The following IMPDH1 variants were observed in gnomAD, a reference collection of about 807,000 sequenced individuals.
IMPDH1 encodes the protein inosine-5'-monophosphate dehydrogenase 1.
IMPDH1 carries 41 observed loss-of-function variants against 73.5 expected under a neutral mutation model. That is an observed-to-expected ratio of 0.56 (90% CI 0.43 to 0.72). IMPDH1 has a LOEUF of 0.72. Among genes scored for constraint, IMPDH1 ranks in the 30% least tolerant of loss-of-function variants. The probability of loss-of-function intolerance (pLI) is 0.00; values close to 1 mark genes in which losing one functional copy is unlikely to be tolerated. For synonymous variants in IMPDH1, 318 were observed against 334.3 expected (o/e 0.95, Z 0.53); for missense variants, 645 against 824.8 (o/e 0.78, Z 2.67).
At position 128,395,161 on chromosome 7, in the gene IMPDH1, C is replaced by T. The variant is rs1797825967; in HGVS notation, c.1375G>A (p.Val459Ile). The T allele has an allele frequency of 3.7e-6, 6 of 1,614,064 alleles. No homozygotes were observed. Among genetic ancestry groups the T allele is most frequent in the Non-Finnish European group, 5.1e-6 (6 of 1,180,050 alleles). Reference protein sequence around the residue: ...DGGIQTVGHVVKALALGASTV... With the variant: ...DGGIQTVGHVIKALALGASTV... ...GAGGCTCCAAGGGCCAGGGCCTTGA[C>T]CACGTGTCCCACGGTCTGGATGCCG... is the stretch of plus-strand genomic sequence containing the variant. Residue 459 changes from valine to isoleucine, a missense_variant, in exon 13 of 17, where the codon GTC (valine) becomes ATC (isoleucine). By Grantham distance (29) the Val-to-Ile change is conservative (BLOSUM62 3). Transcript: ENST00000338791.
intron 3 of IMPDH1, 192 bp from the exon 4 acceptor site, chr7:128,406,057 C>T (rs900078620): frequency 5.4e-6 from 1 of 184,096 alleles, no homozygotes; most frequent in Non-Finnish European, 1.0e-5. Context: ...TCCCGCCCCT[C>T]CCGCCCTTCT....
chr7:128,402,550 C>T (rs985296052), intron 5 of IMPDH1, among the ~76,000 whole-genome samples: 8 of 152,220 alleles, frequency 5.3e-5, no homozygotes, highest in African/African-American at 1.2e-4. Context: ...CAGAATCATT[C>T]GAATTTCCCC....
rs747402224 is a variant in IMPDH1 at position 128,395,307 on chromosome 7, G to A, written c.1262-33C>T. On this transcript the variant is annotated intron_variant, in intron 12 of 16. Coordinates refer to ENST00000338791, the MANE Select transcript of IMPDH1 (RefSeq NM_000883.4). ...AGGGTGGGGTGCACAAGGCAGAGAA[G>A]AGTCAACAGCAACTCCGGGGCCTGG... 6 of 1,611,414 alleles carry A rather than the reference G, an allele frequency of 3.7e-6. No homozygotes were observed. In the South Asian group the frequency reaches 6.6e-5, roughly 18 times the overall value.
At position 128,405,880 on chromosome 7, in the gene IMPDH1, C is replaced by G. The variant is rs1422923097; in HGVS notation, c.255-15G>C. The stretch of plus-strand genomic sequence containing the variant: ...AGTCCGCCATGCTGCCGCGAGACCC[C>G]GCGACCCGACATAAACACCCGCGCG... On this transcript the variant is annotated splice_polypyrimidine_tract_variant and intron_variant, in intron 3 of 16. Coordinates refer to ENST00000338791, the MANE Select transcript of IMPDH1 (RefSeq NM_000883.4). 1.3e-6 allele frequency: 2 copies of G among 1,516,156 alleles called. No individual in the cohort carries two copies. Among genetic ancestry groups the G allele is most frequent in the South Asian group, 2.5e-5 (2 of 81,504 alleles). 93.9% of individuals were successfully genotyped at this position (1,516,156 alleles called of 1,614,324 possible).
chr7:128,405,585 C>A (rs1424698330), intron 4 of IMPDH1, among the ~76,000 whole-genome samples, 182 bp downstream of exon 4: 1 of 152,148 alleles, frequency 6.6e-6, no homozygotes, highest in East Asian at 1.9e-4. Flanking sequence ...GCCGCGGTGT[C>A]GCCGTGCCAC....
intron 7 of IMPDH1, 60 bp from the exon 8 acceptor site, chr7:128,400,599 G>T: frequency 6.7e-7 from 1 of 1,497,376 alleles, no homozygotes; most frequent in Non-Finnish European, 9.2e-7. Context: ...TGTCCAGGCT[G>T]GCCACAGGGA....
intron 5 of IMPDH1, 148 bp downstream of exon 5, chr7:128,403,558 C>CAAA (rs879132945): frequency 4.4e-4 from 207 of 470,550 alleles, no homozygotes; most frequent in Non-Finnish European, 5.1e-4. Flanking sequence ...ACTCTGTCTC[C>CAAA]AAAAAAAAAA....
At position 128,400,488 on chromosome 7, in the gene IMPDH1, T is replaced by C. The variant is rs745347381; in HGVS notation, c.631A>G (p.Thr211Ala). Residue 211 changes from threonine (T) to alanine (A), a missense_variant, in exon 8 of 17, where the codon ACT becomes GCT. Physicochemically the swap from Thr to Ala is moderately conservative, Grantham distance 58. Coordinates refer to ENST00000338791, the MANE Select transcript of IMPDH1 (RefSeq NM_000883.4). Reference protein sequence around the residue: ...TDPVVLSPSHTVGDVLEAKMR... With the variant: ...TDPVVLSPSHAVGDVLEAKMR... ...TTGGCCTCCAGCACATCGCCCACAG[T>C]GTGCGAGGGGCTCAGCACCACAGGG... The C allele has an allele frequency of 4.3e-6, 7 of 1,612,684 alleles. No individual in the cohort carries two copies. The highest frequency in any genetic ancestry group is 1.7e-5 in the Admixed American group (1 of 59,996).
At position 128,398,445 on chromosome 7, in the gene IMPDH1, A is replaced by C; in HGVS notation, c.1043T>G (p.Leu348Arg). Residue 348 changes from leucine (L) to arginine (R), a missense_variant, in exon 10 of 17, where the codon CTC (leucine) becomes CGC (arginine). Physicochemically the swap from Leu to Arg is moderately radical, Grantham distance 102 (BLOSUM62 -2). Coordinates refer to ENST00000338791, the MANE Select transcript of IMPDH1 (RefSeq NM_000883.4). This position sits in a 1 kb window ranked among gnomAD's most constrained non-coding sequence, Gnocchi z 4.3. ...REDDKYRLDL[L>R]TQAGVDVIVL... Reference sequence around the variant, plus strand: ...TATGACGTCGACGCCCGCCTGGGTGAGCAGGTCCAGACGGTATTTGTCATC... The same window carrying C: ...TATGACGTCGACGCCCGCCTGGGTGCGCAGGTCCAGACGGTATTTGTCATC... The C allele has an allele frequency of 6.2e-7, 1 of 1,613,446 alleles. No individual in the cohort carries two copies. Among genetic ancestry groups the C allele is most frequent in the South Asian group, 1.1e-5 (1 of 91,060 alleles).
At position 128,395,129 on chromosome 7, in the gene IMPDH1, A is replaced by G; in HGVS notation, c.1405+2T>C. On this transcript the variant is annotated splice_donor_variant, in intron 13 of 16. Coordinates refer to ENST00000338791, the MANE Select transcript of IMPDH1 (RefSeq NM_000883.4). LOFTEE classifies it high-confidence loss of function. ...CCAATCCCCAGCACATTCTCCCCTC[A>G]CCTGTGGAGGCTCCAAGGGCCAGGG... The G allele has an allele frequency of 6.2e-7, 1 of 1,613,548 alleles. No homozygotes were observed.
chr7:128,395,776 C>T lies in IMPDH1; in HGVS notation c.1262-502G>A, dbSNP rs566693100. On this transcript the variant is annotated intron_variant, in intron 12 of 16. Coordinates refer to ENST00000338791, the MANE Select transcript of IMPDH1 (RefSeq NM_000883.4). Reference sequence around the variant, plus strand: ...GCTGGATAAACCAGAGATGGCGCCTCTCATTTGTTTTGTCCCTACTCTACC... The same window carrying T: ...GCTGGATAAACCAGAGATGGCGCCTTTCATTTGTTTTGTCCCTACTCTACC... Among the ~76,000 whole-genome samples, 108 of 152,374 alleles carry T rather than the reference C, an allele frequency of 7.1e-4. 3 individuals are homozygous for T. In the South Asian group the frequency reaches 0.01, roughly 14 times the overall value.
At chr7:128,403,076 G>A (rs1250772399) in intron 5 of IMPDH1, among the ~76,000 whole-genome samples, 3 of 151,954 alleles carry the variant, frequency 2.0e-5, no homozygotes, top group South Asian at 2.1e-4. Flanking sequence ...CAAGCCCACC[G>A]TTCCCACTCC....
At chr7:128,405,601 T>C (rs1237702042) in intron 4 of IMPDH1, among the ~76,000 whole-genome samples, 166 bp downstream of exon 4, 1 of 152,022 alleles carries the variant, frequency 6.6e-6, no homozygotes, top group Non-Finnish European at 1.5e-5. Flanking sequence ...GCCACGTCCG[T>C]CTGCTCCGGC....
In IMPDH1 at chr7:128,394,811, C is replaced by A; in HGVS notation, c.1550+78G>T. 1.3e-6 allele frequency: 2 copies of A among 1,564,116 alleles called. No homozygotes were observed. Among genetic ancestry groups the A allele is most frequent in the South Asian group, 1.1e-5 (1 of 90,044 alleles). Reference sequence around the variant, plus strand: ...CCACCATATGGGGACTGGCTGCCATCTGGGGAAGTCGGTGGCATGAGCGGG... The same window carrying A: ...CCACCATATGGGGACTGGCTGCCATATGGGGAAGTCGGTGGCATGAGCGGG... On this transcript the variant is annotated intron_variant, in intron 14 of 16. Transcript: ENST00000338791. The surrounding 1 kb of genome is among the most constrained non-coding windows in gnomAD (Gnocchi z 5.5).
At position 128,409,308 on chromosome 7, in the gene IMPDH1, C is replaced by T. The variant is rs1016744642; in HGVS notation, c.235G>A (p.Asp79Asn). ...VLLAGVGVQMDRLRRASMADY... is the reference protein window; with the variant it reads ...VLLAGVGVQMNRLRRASMADY... ...CCTCACCTAGCCCTGCGAAGGCGAT[C>T]CATCTGGACACCAACACCTGCCAGT... is the stretch of plus-strand genomic sequence containing the variant. The change falls in exon 3 of 17, where the codon GAT becomes AAT. Residue 79 changes from aspartate to asparagine, a missense_variant. By Grantham distance (23) the Asp-to-Asn change is conservative. This residue lies in a region of IMPDH1 where 186 missense variants were observed against 186.6 expected (regional missense o/e 1.00). Coordinates refer to ENST00000338791, the MANE Select transcript of IMPDH1 (RefSeq NM_000883.4). The T allele has an allele frequency of 1.8e-5, 29 of 1,614,006 alleles. No individual in the cohort carries two copies. Among genetic ancestry groups the T allele is most frequent in the Non-Finnish European group, 2.4e-5 (28 of 1,180,000 alleles).
chr7:128,401,620 C>T (rs1051700429), intron 5 of IMPDH1, among the ~76,000 whole-genome samples: 1 of 152,138 alleles, frequency 6.6e-6, no homozygotes, highest in Non-Finnish European at 1.5e-5. Context: ...AGATTTGATT[C>T]GGAGAGAAGC....
chr7:128,409,057 A>T (rs909687850), intron 3 of IMPDH1, among the ~76,000 whole-genome samples: 4 of 152,212 alleles, frequency 2.6e-5, no homozygotes, highest in African/African-American at 9.7e-5. Context: ...TCTGGACCGG[A>T]AGGACAGTGG....
Position 128,394,969 on chromosome 7 carries a change from C to T in IMPDH1, c.1470G>A (p.Gly490=), listed in dbSNP as rs747184978. Residue 490 remains glycine, a synonymous_variant, in exon 14 of 17, where the codon GGG becomes GGA. Transcript: ENST00000338791. This position sits in a 1 kb window ranked among gnomAD's most constrained non-coding sequence, Gnocchi z 5.5. ...TGCCCCGGTACTTCTTGAGCCGCAC[C>T]CCGTCTGAGAAGAAGTACTCGCCAG... ...EAPGEYFFSD[G]VRLKKYRGMG... The T allele has an allele frequency of 6.2e-7, 1 of 1,613,944 alleles. No homozygotes were observed. Among genetic ancestry groups the T allele is most frequent in the Admixed American group, 1.7e-5 (1 of 60,006 alleles).
Position 128,396,235 on chromosome 7 carries a change from A to G in IMPDH1, c.1261+365T>C, listed in dbSNP as rs1033890586. Among the ~76,000 whole-genome samples, 5 of 152,232 alleles carry G rather than the reference A, an allele frequency of 3.3e-5. No individual in the cohort carries two copies. The highest frequency in any genetic ancestry group is 7.3e-5 in the Non-Finnish European group (5 of 68,034). On this transcript the variant is annotated intron_variant, in intron 12 of 16. Transcript: ENST00000338791. This position sits in a 1 kb window ranked among gnomAD's most constrained non-coding sequence, Gnocchi z 4.0. ...CCCAACCACATGGTGAAGCAGGTGTATAACATATCTTTATATATTCAGGGA... is the reference window on the plus strand; with the variant it reads ...CCCAACCACATGGTGAAGCAGGTGTGTAACATATCTTTATATATTCAGGGA...
Sources: allele counts gnomAD v4.1 joint callset (sites outside exome capture counted in the v4.1 genomes callset), GRCh38; gene constraint gnomAD v4.1.1; regional missense constraint gnomAD v4.1.1; non-coding constraint Gnocchi (gnomAD v3.1); transcripts MANE v1.5; gene names NCBI Gene and HGNC (gene_info 2026-07-23, HGNC 2026-07-21).